EYA4: variants seen among roughly 807,000 people sequenced by gnomAD.
EYA4 encodes the protein protein phosphatase EYA4.
Under a neutral mutation model 87.9 loss-of-function variants are expected in EYA4, and 31 were observed. The ratio of observed to expected loss-of-function variants is 0.35; its 90% CI spans 0.27 to 0.48. The LOEUF is 0.48. Ranked by LOEUF, EYA4 falls within the 20% of genes least tolerant of loss-of-function variation. The pLI, the probability that EYA4 is intolerant of heterozygous loss-of-function variation, is 0.99. For missense variants in EYA4, 678 were observed against 761.4 expected (o/e 0.89, Z 1.29); for synonymous variants, 263 against 270.6 (o/e 0.97, Z 0.28).
chr6:133,362,826 C>G (rs138487941), intron 2 of EYA4, among the ~76,000 whole-genome samples: 1,848 of 152,274 alleles, frequency 0.012, 38 homozygotes, highest in African/African-American at 0.043. Context: ...CCTCTCTGCC[C>G]CTGATTCCCC....
At position 133,271,227 on chromosome 6, in the gene EYA4, A is replaced by G. The variant is rs144298127; in HGVS notation, c.-65-3489A>G. 2.5e-3 allele frequency among the ~76,000 whole-genome samples: 376 copies of G among 152,264 alleles called. 15 individuals are homozygous for G. In the East Asian group the frequency reaches 0.068, roughly 28 times the overall value. On this transcript the variant is annotated intron_variant, in intron 1 of 19. Coordinates refer to ENST00000355286, the MANE Select transcript of EYA4 (RefSeq NM_004100.5). ...CTAGAGAACTTTGCCCCAGCCCTGCAAAGTATTGTCACCTAGTTGGCATTG... is the reference window on the plus strand; with the variant it reads ...CTAGAGAACTTTGCCCCAGCCCTGCGAAGTATTGTCACCTAGTTGGCATTG...
intron 2 of EYA4, among the ~76,000 whole-genome samples, chr6:133,302,461 C>T (rs907939960): frequency 1.6e-4 from 24 of 152,146 alleles, no homozygotes; most frequent in Admixed American, 5.9e-4. Context: ...CATTAATAAT[C>T]GTTTCTCAAT....
In EYA4 at chr6:133,523,048, T is replaced by C; in HGVS notation, c.1617-8T>C. ...AAAACAAACATGTATATTTCCTCCC[T>C]ATTTTAGGAGTAACTGCATAAATGT... is the stretch of plus-strand genomic sequence containing the variant. On this transcript the variant is annotated splice_region_variant and splice_polypyrimidine_tract_variant and intron_variant, in intron 17 of 19. Transcript: ENST00000355286. 1 of 1,607,912 alleles carries C rather than the reference T, an allele frequency of 6.2e-7. No homozygotes were observed. The highest frequency in any genetic ancestry group is 8.5e-7 in the Non-Finnish European group (1 of 1,174,680).
At chr6:133,410,172 T>C (rs1331109330) in intron 3 of EYA4, among the ~76,000 whole-genome samples, 2 of 152,148 alleles carry the variant, frequency 1.3e-5, no homozygotes, top group African/African-American at 4.8e-5. Flanking sequence ...TTAGTATCTA[T>C]TGATGAATAG....
chr6:133,409,050 C>T (rs1360127620), intron 3 of EYA4, among the ~76,000 whole-genome samples: 1 of 152,130 alleles, frequency 6.6e-6, no homozygotes, highest in African/African-American at 2.4e-5. Context: ...GTCCATAGGT[C>T]ATTAGTCTGT....
At chr6:133,433,504 C>T (rs1002800289) in intron 3 of EYA4, among the ~76,000 whole-genome samples, 14 of 152,186 alleles carry the variant, frequency 9.2e-5, no homozygotes, top group African/African-American at 2.9e-4. Context: ...TACAGGCATG[C>T]GCCACCACGC....
intron 2 of EYA4, among the ~76,000 whole-genome samples, chr6:133,350,015 G>A (rs1783517822): frequency 6.6e-6 from 1 of 152,034 alleles, no homozygotes; most frequent in South Asian, 2.1e-4. Flanking sequence ...AGAAAATGTA[G>A]GACATGAAAT....
chr6:133,378,377 C>T (rs973614439), intron 2 of EYA4, among the ~76,000 whole-genome samples: 1 of 152,006 alleles, frequency 6.6e-6, no homozygotes, highest in African/African-American at 2.4e-5. Context: ...TATATATATA[C>T]ATAGTCTAGC....
At chr6:133,411,199 T>G (rs1218897261) in intron 3 of EYA4, among the ~76,000 whole-genome samples, 1 of 152,134 alleles carries the variant, frequency 6.6e-6, no homozygotes, top group Non-Finnish European at 1.5e-5. Flanking sequence ...GATTCGGTGG[T>G]TTTTGAACAT....
Position 133,481,263 on chromosome 6 carries a change from T to C in EYA4, c.971-200T>C, listed in dbSNP as rs141106445. ...AGAAAAGACATTCAAGTTTAATAGATCACATAGATTACAACTAGTAGGAGT... is the reference window on the plus strand; with the variant it reads ...AGAAAAGACATTCAAGTTTAATAGACCACATAGATTACAACTAGTAGGAGT... On this transcript the variant is annotated intron_variant, in intron 11 of 19. Transcript: ENST00000355286. 2.9e-3 allele frequency among the ~76,000 whole-genome samples: 440 copies of C among 152,248 alleles called. 7 individuals are homozygous for C. Among genetic ancestry groups the C allele is most frequent in the Admixed American group, 0.026 (402 of 15,284 alleles).
intron 2 of EYA4, among the ~76,000 whole-genome samples, chr6:133,342,438 C>T (rs1417925483): frequency 6.7e-6 from 1 of 148,492 alleles, no homozygotes; most frequent in African/African-American, 2.5e-5. Context: ...GGGAAGGAAG[C>T]ACAGATTCAG....
Position 133,241,371 on chromosome 6 carries a change from C to T in EYA4, c.-444C>T, listed in dbSNP as rs532708357. Reference sequence around the variant, plus strand: ...CCGGCTTCCGCGCAAAACTTCCATCCTGTCCACGTGAAGTTGTCGCTGCCT... The same window carrying T: ...CCGGCTTCCGCGCAAAACTTCCATCTTGTCCACGTGAAGTTGTCGCTGCCT... On this transcript the variant is annotated 5_prime_UTR_variant, in exon 1 of 20. Transcript: ENST00000355286. 2 of 152,388 alleles carry T rather than the reference C, an allele frequency of 1.3e-5. No individual in the cohort carries two copies. The highest frequency in any genetic ancestry group is 2.1e-4 in the South Asian group (1 of 4,832). The allele number at this position is 152,388 out of a possible 1,614,324, so 9.4% of individuals were successfully genotyped here.
chr6:133,493,569 G>A (rs1797372413), intron 13 of EYA4, among the ~76,000 whole-genome samples: 1 of 152,054 alleles, frequency 6.6e-6, no homozygotes, highest in African/African-American at 2.4e-5. Flanking sequence ...CACAAGCACA[G>A]GCAACCAAGC....
intron 4 of EYA4, among the ~76,000 whole-genome samples, 173 bp downstream of exon 4, chr6:133,446,927 T>C (rs1458306769): frequency 6.6e-6 from 1 of 152,252 alleles, no homozygotes; most frequent in Non-Finnish European, 1.5e-5. Flanking sequence ...TTGAAATTTT[T>C]GCTCCTCCTG....
intron 2 of EYA4, among the ~76,000 whole-genome samples, chr6:133,342,594 TATATATATATAA>T (rs1246363735): frequency 7.1e-6 from 1 of 141,534 alleles, no homozygotes; most frequent in African/African-American, 2.7e-5. Flanking sequence ...TATATATATA[TATATATATATAA>T]TTCTTTATAT....
In EYA4 at chr6:133,529,739, G is replaced by T; in HGVS notation, c.*934G>T. 1 of 985,234 alleles carries T rather than the reference G, an allele frequency of 1.0e-6. No homozygotes were observed. The highest frequency in any genetic ancestry group is 1.2e-6 in the Non-Finnish European group (1 of 829,796). 61.0% of individuals were successfully genotyped at this position (985,234 alleles called of 1,614,324 possible). On this transcript the variant is annotated 3_prime_UTR_variant, in exon 20 of 20. Transcript: ENST00000355286. The stretch of plus-strand genomic sequence containing the variant: ...TTTGCGCATCCAACCATGAGTGGAA[G>T]GTTTGGGAAAGACTGTGGGACCTTT...
rs558399007 is a variant in EYA4 at position 133,468,603 on chromosome 6, A to C, written c.842A>C (p.Tyr281Ser). 2 of 1,612,780 alleles carry C rather than the reference A, an allele frequency of 1.2e-6. No individual in the cohort carries two copies. Among genetic ancestry groups the C allele is most frequent in the South Asian group, 2.2e-5 (2 of 91,066 alleles). ...TATACAGCCTTTGGCCAAAACCAGTATGCACAGTATTATTCAGCATCAACG... is the reference window on the plus strand; with the variant it reads ...TATACAGCCTTTGGCCAAAACCAGTCTGCACAGTATTATTCAGCATCAACG... ...PSYTAFGQNQ[Y>S]AQYYSASTYG... is the part of the protein sequence containing the mutation. Residue 281 changes from tyrosine (Y) to serine (S), a missense_variant, in exon 11 of 20, where the codon TAT becomes TCT. Tyr to Ser is a moderately radical substitution (Grantham distance 144). Transcript: ENST00000355286.
At chr6:133,293,627 A>G (rs1778669402) in intron 2 of EYA4, among the ~76,000 whole-genome samples, 1 of 152,114 alleles carries the variant, frequency 6.6e-6, no homozygotes, top group African/African-American at 2.4e-5. Flanking sequence ...TGTGCCTTGT[A>G]AAACATAAAG....
chr6:133,317,078 A>T (rs138840067), intron 2 of EYA4, among the ~76,000 whole-genome samples: 221 of 152,272 alleles, frequency 1.5e-3, no homozygotes, highest in African/African-American at 5.2e-3. Flanking sequence ...TAGAGAGACA[A>T]GAGTCTACAC....
Sources: gnomAD v4.1 joint callset for allele counts (sites outside exome capture counted in the v4.1 genomes callset) on GRCh38, gnomAD v4.1.1 for gene constraint, MANE v1.5 for transcripts, NCBI Gene and HGNC (gene_info 2026-07-23, HGNC 2026-07-21) for gene names.